The following SLIT2 variants were observed in gnomAD, a reference collection of about 807,000 sequenced individuals.
The protein encoded by SLIT2 is slit homolog 2 protein.
Under a neutral mutation model 185.7 loss-of-function variants are expected in SLIT2, and 41 were observed. That is an observed-to-expected ratio of 0.22 (90% CI 0.17 to 0.29). SLIT2 has a LOEUF of 0.29. Ranked by LOEUF, SLIT2 falls within the 10% of genes least tolerant of loss-of-function variation. The pLI, the probability that SLIT2 is intolerant of heterozygous loss-of-function variation, is 1.00. For missense variants in SLIT2, 1,571 were observed against 1,909.0 expected (o/e 0.82, Z 3.30); for synonymous variants, 693 against 680.2 (o/e 1.02, Z -0.29).
intron 4 of SLIT2, among the ~76,000 whole-genome samples, chr4:20,403,883 C>T (rs754128541): frequency 3.7e-5 from 5 of 136,370 alleles, no homozygotes; most frequent in African/African-American, 1.4e-4. Context: ...AAGTTAATGG[C>T]TGTTAACTGG....
At chr4:20,318,767 G>A (rs1718810135) in intron 4 of SLIT2, among the ~76,000 whole-genome samples, 1 of 152,126 alleles carries the variant, frequency 6.6e-6, no homozygotes, top group Non-Finnish European at 1.5e-5. Context: ...GTTTCTTTAG[G>A]AGAGAGAAAT....
rs372732260 is a variant in SLIT2, at chr4:20,448,887, C to A, written c.396-18865C>A. 5.3e-4 allele frequency among the ~76,000 whole-genome samples: 80 copies of A among 152,256 alleles called. No homozygotes were observed. The South Asian group carries it at 0.015, about 28-fold the overall frequency. ...TCTTGACCTCGTGATCCACCTGCCT[C>A]AGACTCCCAAAGGGCTGGGATTACA... On this transcript the variant is annotated intron_variant, in intron 4 of 36. Transcript: ENST00000504154.
chr4:20,291,482 ATATATATATATT>A (rs1715877275), intron 4 of SLIT2, among the ~76,000 whole-genome samples: 4 of 12,678 alleles, frequency 3.2e-4, no homozygotes, highest in Admixed American at 1.4e-3. Flanking sequence ...ATATATATAT[ATATATATATATT>A]TTTTTTTTTT....
chr4:20,420,547 T>C (rs1210691069), intron 4 of SLIT2, among the ~76,000 whole-genome samples: 2 of 151,964 alleles, frequency 1.3e-5, no homozygotes, highest in Non-Finnish European at 2.9e-5. Flanking sequence ...AATTTTATCC[T>C]TGTAGAACCC....
In SLIT2 at chr4:20,253,580, A is replaced by G; in HGVS notation, c.-236A>G. The G allele has an allele frequency of 1.7e-6, 1 of 582,020 alleles. No homozygotes were observed. Among genetic ancestry groups the G allele is most frequent in the Non-Finnish European group, 3.1e-6 (1 of 326,306 alleles). The allele number at this position is 582,020 out of a possible 1,614,324, so 36.1% of individuals were successfully genotyped here. On this transcript the variant is annotated 5_prime_UTR_variant, in exon 1 of 37. Transcript: ENST00000504154. ...CTGGCCAGGCGGATTCATCCTCAGG[A>G]CCTAAAGTTGCCCAAGGAGCTCCTG...
Position 20,253,608 on chromosome 4 carries a change from C to T in SLIT2, c.-208C>T. 5 of 610,944 alleles carry T rather than the reference C, an allele frequency of 8.2e-6. No individual in the cohort carries two copies. Among genetic ancestry groups the T allele is most frequent in the Non-Finnish European group, 1.1e-5 (4 of 349,048 alleles). 37.8% of individuals were successfully genotyped at this position (610,944 alleles called of 1,614,324 possible). On this transcript the variant is annotated 5_prime_UTR_variant, in exon 1 of 37. Coordinates refer to ENST00000504154, the MANE Select transcript of SLIT2 (RefSeq NM_004787.4). ...TAAAGTTGCCCAAGGAGCTCCTGCT[C>T]TGCCAGAGGAGGGTGGAGAGGGCGG...
At chr4:20,445,148 A>C (rs1711621312) in intron 4 of SLIT2, among the ~76,000 whole-genome samples, 1 of 152,150 alleles carries the variant, frequency 6.6e-6, no homozygotes, top group South Asian at 2.1e-4. Context: ...ATTAATTCAG[A>C]GAGGTCTGCA....
intron 9 of SLIT2, among the ~76,000 whole-genome samples, chr4:20,497,396 G>A (rs953525125): frequency 2.0e-5 from 3 of 152,016 alleles, no homozygotes; most frequent in Non-Finnish European, 4.4e-5. Context: ...CTATAAAAGA[G>A]GTAGGCATAG....
intron 4 of SLIT2, among the ~76,000 whole-genome samples, chr4:20,362,346 A>G (rs1057102228): frequency 3.3e-5 from 5 of 152,154 alleles, no homozygotes; most frequent in Non-Finnish European, 7.4e-5. Context: ...CAAGGTCTCA[A>G]GGGAACCTGA....
chr4:20,352,051 TTAAA>T (rs1331203662), intron 4 of SLIT2, among the ~76,000 whole-genome samples: 4 of 152,192 alleles, frequency 2.6e-5, no homozygotes, highest in African/African-American at 9.7e-5. Context: ...CTGCTGCTTG[TTAAA>T]TAGATTCTCA....
Position 20,620,444 on chromosome 4 carries a change from C to CT in SLIT2, c.*1442dup, listed in dbSNP as rs1407200089. 2.2e-6 allele frequency: 1 copy of CT among 453,746 alleles called. No homozygotes were observed. Among genetic ancestry groups the CT allele is most frequent in the Non-Finnish European group, 4.4e-6 (1 of 226,434 alleles). 28.1% of individuals were successfully genotyped at this position (453,746 alleles called of 1,614,324 possible). A position where few individuals can be genotyped will look rare whatever the true frequency, so the allele number is the denominator to read the frequency against. On this transcript the variant is annotated 3_prime_UTR_variant, in exon 37 of 37. Transcript: ENST00000504154. ...TGCAGATGTTTCTTCCTGAAAACTT[C>CT]TTTTTTTACAAAGAAAATTAGATGT... is the stretch of plus-strand genomic sequence containing the variant.
intron 34 of SLIT2, 100 bp downstream of exon 34, chr4:20,610,267 T>A (rs571960160): frequency 1.5e-5 from 16 of 1,060,670 alleles, no homozygotes; most frequent in Non-Finnish European, 2.0e-5. Flanking sequence ...GGATTTGTCA[T>A]TGACCAATAG....
intron 11 of SLIT2, among the ~76,000 whole-genome samples, chr4:20,512,055 A>G (rs551501564): frequency 6.6e-6 from 1 of 152,352 alleles, no homozygotes; most frequent in African/African-American, 2.4e-5. Context: ...ACACTTGTAA[A>G]AAAATCTTCA....
At chr4:20,267,517 C>T (rs1015330625) in intron 3 of SLIT2, among the ~76,000 whole-genome samples, 2 of 151,778 alleles carry the variant, frequency 1.3e-5, no homozygotes, top group Admixed American at 6.6e-5. Context: ...TACCTGGTCT[C>T]GCTTCTCACT....
intron 30 of SLIT2, 47 bp from the exon 31 acceptor site, chr4:20,595,650 A>T (rs775811128): frequency 1.2e-6 from 2 of 1,605,598 alleles, no homozygotes; most frequent in Admixed American, 3.4e-5. Context: ...TTGTTTACTT[A>T]TTTTGGCTCA....
chr4:20,421,664 A>G (rs1283494475), intron 4 of SLIT2, among the ~76,000 whole-genome samples: 2 of 152,208 alleles, frequency 1.3e-5, no homozygotes, highest in East Asian at 3.8e-4. Flanking sequence ...TAAGAAAAAT[A>G]TAAATAGATT....
intron 34 of SLIT2, among the ~76,000 whole-genome samples, chr4:20,612,245 GAA>G (rs139866324): frequency 3.9e-4 from 22 of 56,222 alleles, no homozygotes; most frequent in East Asian, 7.3e-4. Flanking sequence ...ACTATCTCAA[GAA>G]AAAAAAAAAA....
intron 5 of SLIT2, among the ~76,000 whole-genome samples, chr4:20,472,598 C>CGATATATATATATATATCGATATA (rs1243899697): frequency 7.7e-4 from 6 of 7,784 alleles, no homozygotes; most frequent in East Asian, 0.014. Flanking sequence ...AGATATATAT[C>CGATATATATATATATATCGATATA]TATAGATATA....
intron 30 of SLIT2, among the ~76,000 whole-genome samples, chr4:20,595,042 A>G (rs1727860626): frequency 6.6e-6 from 1 of 152,114 alleles, no homozygotes; most frequent in African/African-American, 2.4e-5. Flanking sequence ...AAGACCCTTT[A>G]CCACCATGGT....
Sources: gnomAD v4.1 joint callset for allele counts (sites outside exome capture counted in the v4.1 genomes callset) on GRCh38, gnomAD v4.1.1 for gene constraint, MANE v1.5 for transcripts, NCBI Gene and HGNC (gene_info 2026-07-23, HGNC 2026-07-21) for gene names.